The following PIP4K2A variants were observed in gnomAD, a reference collection of about 807,000 sequenced individuals.
PIP4K2A encodes phosphatidylinositol 5-phosphate 4-kinase type-2 alpha.
PIP4K2A carries 14 observed loss-of-function variants against 42.9 expected under a neutral mutation model. The ratio of observed to expected loss-of-function variants is 0.33; its 90% CI spans 0.22 to 0.51. The LOEUF (loss-of-function observed/expected upper bound fraction) is 0.51, where lower values mean the gene tolerates loss of function less well. Among genes scored for constraint, PIP4K2A ranks in the 20% least tolerant of loss-of-function variants. PIP4K2A has a pLI of 0.97. For synonymous variants in PIP4K2A, 192 were observed against 192.2 expected, an observed-to-expected ratio of 1.00 and a Z score of 0.01; for missense variants, 434 against 519.8, an observed-to-expected ratio of 0.83 and a Z score of 1.61.
chr10:22,575,687 C>T (rs1837096567), intron 4 of PIP4K2A, among the ~76,000 whole-genome samples: 2 of 152,098 alleles, frequency 1.3e-5, no homozygotes, highest in Admixed American at 6.5e-5. Context: ...CGCCTGTAAT[C>T]CCAGCACTTT....
At chr10:22,663,222 C>T (rs551994375) in intron 1 of PIP4K2A, among the ~76,000 whole-genome samples, 1 of 152,292 alleles carries the variant, frequency 6.6e-6, no homozygotes, top group African/African-American at 2.4e-5. Context: ...GCATAAATGA[C>T]TCTTTGTTGT....
Position 22,573,402 on chromosome 10 carries a change from C to A in PIP4K2A, c.548G>T (p.Arg183Leu). The A allele has an allele frequency of 6.2e-7, 1 of 1,613,664 alleles. No homozygotes were observed. The highest frequency in any genetic ancestry group is 8.5e-7 in the Non-Finnish European group (1 of 1,179,604). The part of the protein sequence containing the change: ...TLLPQFLGMY[R>L]LNVDGVEIYV... ...TATTTCAACTCCATCAACATTAAGC[C>A]GGTACATGCCCAAGAACTGGGGAAG... is the stretch of plus-strand genomic sequence containing the variant. Residue 183 changes from arginine to leucine, a missense_variant, in exon 5 of 10, where the codon CGG becomes CTG. Transcript: ENST00000376573.
intron 4 of PIP4K2A, among the ~76,000 whole-genome samples, chr10:22,579,056 A>G (rs1256962896): frequency 6.6e-6 from 1 of 152,196 alleles, no homozygotes; most frequent in African/African-American, 2.4e-5. Context: ...CAAATGAAGA[A>G]CTTTACACAA....
chr10:22,590,163 C>A (rs2130819722), intron 4 of PIP4K2A, among the ~76,000 whole-genome samples: 1 of 152,282 alleles, frequency 6.6e-6, no homozygotes, highest in South Asian at 2.1e-4. Context: ...CATACTGGCA[C>A]CTTGATCTCA....
chr10:22,704,650 T>TG (rs1334268042), intron 1 of PIP4K2A, among the ~76,000 whole-genome samples: 1 of 90,206 alleles, frequency 1.1e-5, no homozygotes, highest in African/African-American at 5.8e-5. Flanking sequence ...AGACCTCATC[T>TG]GAAAAAAAAA....
At chr10:22,601,170 A>G in intron 3 of PIP4K2A, among the ~76,000 whole-genome samples, 1 of 140,760 alleles carries the variant, frequency 7.1e-6, no homozygotes, top group Non-Finnish European at 1.6e-5. Flanking sequence ...AAAACAAACC[A>G]GGAACATGTC....
chr10:22,598,851 G>A (rs929275631), intron 3 of PIP4K2A, among the ~76,000 whole-genome samples: 8 of 151,946 alleles, frequency 5.3e-5, no homozygotes, highest in African/African-American at 1.9e-4. Flanking sequence ...TTAGTTTATG[G>A]GAAAAAAATC....
intron 6 of PIP4K2A, among the ~76,000 whole-genome samples, chr10:22,563,794 G>GT (rs1179715924): frequency 1.3e-5 from 2 of 152,170 alleles, no homozygotes; most frequent in African/African-American, 4.8e-5. Context: ...CTCAAAGTAA[G>GT]TAACGACAGC....
intron 8 of PIP4K2A, 50 bp downstream of exon 8, chr10:22,541,754 A>C: frequency 6.7e-7 from 1 of 1,497,164 alleles, no homozygotes; most frequent in Non-Finnish European, 8.9e-7. Flanking sequence ...TAACAAGGCC[A>C]AAGTCAAACC....
chr10:22,656,236 T>C (rs1211731497), intron 1 of PIP4K2A, among the ~76,000 whole-genome samples: 1 of 152,216 alleles, frequency 6.6e-6, no homozygotes, highest in East Asian at 1.9e-4. Context: ...CTCAGCTCCT[T>C]CTGGTTAGTG....
chr10:22,562,325 G>A (rs900669719), intron 6 of PIP4K2A, among the ~76,000 whole-genome samples: 1 of 152,190 alleles, frequency 6.6e-6, no homozygotes, highest in African/African-American at 2.4e-5. Flanking sequence ...GAGGCGGGTG[G>A]ATCACGAGGT....
intron 6 of PIP4K2A, among the ~76,000 whole-genome samples, chr10:22,554,420 A>G (rs1836484141): frequency 6.6e-6 from 1 of 152,230 alleles, no homozygotes; most frequent in Non-Finnish European, 1.5e-5. Context: ...GTAGCAACAG[A>G]TTCTACACTT....
At chr10:22,699,400 C>A (rs1833668626) in intron 1 of PIP4K2A, among the ~76,000 whole-genome samples, 1 of 151,912 alleles carries the variant, frequency 6.6e-6, no homozygotes, top group South Asian at 2.1e-4. Flanking sequence ...ACTTCTGTTC[C>A]TGTTCCTGGG....
chr10:22,622,690 T>G (rs1189224918), intron 1 of PIP4K2A, among the ~76,000 whole-genome samples: 1 of 152,232 alleles, frequency 6.6e-6, no homozygotes, highest in Non-Finnish European at 1.5e-5. Flanking sequence ...TCGTCTGTCT[T>G]CCAGCACCTC....
chr10:22,537,339 T>A (rs1049727876), intron 9 of PIP4K2A, 58 bp from the exon 10 acceptor site: 13 of 1,292,004 alleles, frequency 1.0e-5, no homozygotes, highest in Non-Finnish European at 1.4e-5. Flanking sequence ...CCCCAAATTA[T>A]TACTCAATAT....
intron 7 of PIP4K2A, among the ~76,000 whole-genome samples, chr10:22,544,384 C>T (rs950576776): frequency 6.6e-6 from 1 of 152,168 alleles, no homozygotes; most frequent in Non-Finnish European, 1.5e-5. Flanking sequence ...GGCCTCTGGG[C>T]TGCTGGAGGA....
intron 1 of PIP4K2A, among the ~76,000 whole-genome samples, chr10:22,653,809 G>T (rs1221462995): frequency 6.6e-6 from 1 of 152,176 alleles, no homozygotes; most frequent in African/African-American, 2.4e-5. Context: ...AGAAGGCGGA[G>T]GTTGCAGTGA....
intron 1 of PIP4K2A, among the ~76,000 whole-genome samples, chr10:22,649,813 G>A (rs1838955790): frequency 6.6e-6 from 1 of 152,154 alleles, no homozygotes; most frequent in Non-Finnish European, 1.5e-5. Context: ...GGAAGGACCT[G>A]CCCCCAGGAA....
chr10:22,556,198 G>A (rs1417679008), intron 6 of PIP4K2A, among the ~76,000 whole-genome samples: 5 of 152,068 alleles, frequency 3.3e-5, no homozygotes, highest in African/African-American at 1.2e-4. Context: ...CAGGACCCAC[G>A]GGGAACACAG....
Sources: gnomAD v4.1 joint callset for allele counts (sites outside exome capture counted in the v4.1 genomes callset) on GRCh38, gnomAD v4.1.1 for gene constraint, MANE v1.5 for transcripts, NCBI Gene and HGNC (gene_info 2026-07-23, HGNC 2026-07-21) for gene names.